Variants in DMD observed in about 807,000 individuals in gnomAD.
DMD encodes mutant dystrophin.
DMD carries 63 observed loss-of-function variants against 330.1 expected under a neutral mutation model. That is an observed-to-expected ratio of 0.19 (90% CI 0.16 to 0.24). The LOEUF is 0.24. Ranked by LOEUF, DMD falls within the 10% of genes least tolerant of loss-of-function variation. The pLI is 1.00. For missense variants in DMD, 3,344 were observed against 2,684.1 expected, an observed-to-expected ratio of 1.25 and a Z score of -5.43; for synonymous variants, 1,223 against 959.8, an observed-to-expected ratio of 1.27 and a Z score of -5.07.
intron 1 of DMD, among the ~76,000 whole-genome samples, chrX:33,322,931 T>A (rs1230969537): frequency 9.0e-6 from 1 of 111,263 alleles, no homozygotes; most frequent in Non-Finnish European, 1.9e-5. Flanking sequence ...TTATGTCGTT[T>A]TTATTCTCCC....
chrX:32,478,348 A>C (rs913299807), intron 21 of DMD, among the ~76,000 whole-genome samples: 1 of 111,806 alleles, frequency 8.9e-6, no homozygotes, highest in African/African-American at 3.2e-5. Context: ...TTCCATGCCA[A>C]CCAGATCCCA....
intron 34 of DMD, among the ~76,000 whole-genome samples, chrX:32,365,782 T>C (rs1213177332): frequency 8.9e-6 from 1 of 112,356 alleles, no homozygotes; most frequent in African/African-American, 3.2e-5. Context: ...TTTCCTAATA[T>C]GTTAATTAAC....
intron 2 of DMD, among the ~76,000 whole-genome samples, chrX:32,913,692 G>T (rs1246873514): frequency 1.8e-5 from 2 of 111,625 alleles, no homozygotes; most frequent in African/African-American, 6.5e-5. Context: ...AGCCCACCAG[G>T]TCAAGCACCC....
chrX:32,524,513 A>G (rs2046766457), intron 17 of DMD, among the ~76,000 whole-genome samples: 1 of 112,102 alleles, frequency 8.9e-6, no homozygotes, highest in African/African-American at 3.2e-5. Flanking sequence ...TGGTCTTTTT[A>G]AGAGGATAAT....
intron 1 of DMD, among the ~76,000 whole-genome samples, chrX:33,290,426 A>G (rs2053495841): frequency 9.0e-6 from 1 of 111,159 alleles, no homozygotes; most frequent in South Asian, 3.7e-4. Context: ...GCGGCTCCTT[A>G]TTTTTTTGGT....
intron 1 of DMD, among the ~76,000 whole-genome samples, chrX:33,043,255 A>G (rs991083209): frequency 6.3e-5 from 7 of 111,517 alleles, no homozygotes; most frequent in Non-Finnish European, 1.1e-4. Flanking sequence ...AGAATTCCCA[A>G]TTTCCCACTC....
At chrX:32,332,420 G>GTGTGTGTA (rs2148729688) in intron 41 of DMD, among the ~76,000 whole-genome samples, 1 of 108,073 alleles carries the variant, frequency 9.3e-6, no homozygotes, top group Admixed American at 1.0e-4. Flanking sequence ...AAAAGTGTGT[G>GTGTGTGTA]TGTGTGTGTG....
At chrX:31,970,882 A>G (rs2095393243) in intron 44 of DMD, among the ~76,000 whole-genome samples, 1 of 111,909 alleles carries the variant, frequency 8.9e-6, no homozygotes, top group Non-Finnish European at 1.9e-5. Flanking sequence ...TGCCTAAAAC[A>G]TAGATGTCAG....
intron 52 of DMD, among the ~76,000 whole-genome samples, chrX:31,689,861 A>C (rs1424836643): frequency 1.8e-5 from 2 of 111,720 alleles, no homozygotes; most frequent in African/African-American, 3.3e-5. Context: ...CAAAAACAAG[A>C]AATGGGGAAA....
chrX:32,227,324 C>T (rs773711024), intron 43 of DMD, among the ~76,000 whole-genome samples: 142 of 84,570 alleles, frequency 1.7e-3, no homozygotes, highest in Non-Finnish European at 2.8e-3. Context: ...TACACACACA[C>T]AAATTGCGTA....
chrX:32,977,389 G>C (rs1390548867), intron 2 of DMD, among the ~76,000 whole-genome samples: 1 of 111,686 alleles, frequency 9.0e-6, no homozygotes. Flanking sequence ...ATCTGTAAAT[G>C]TTCCTATGCC....
intron 37 of DMD, among the ~76,000 whole-genome samples, chrX:32,358,857 T>C (rs1409636039): frequency 8.9e-6 from 1 of 111,957 alleles, no homozygotes; most frequent in East Asian, 2.8e-4. Context: ...TTGATATTAA[T>C]TATTTTTAAC....
In DMD at chrX:32,675,649, C is replaced by T. The variant is rs765383619; in HGVS notation, c.960+22221G>A. The stretch of plus-strand genomic sequence containing the variant: ...CTCTATGTTGTGTCATTTTAGCATA[C>T]AGGTTAATAGAATCAATTCTGGAAT... On this transcript the variant is annotated intron_variant, in intron 9 of 78. Coordinates refer to ENST00000357033, the MANE Select transcript of DMD (RefSeq NM_004006.3). Among the ~76,000 whole-genome samples, 4 of 111,267 alleles carry T rather than the reference C, an allele frequency of 3.6e-5. No homozygotes were observed. In the South Asian group the frequency reaches 1.1e-3, roughly 31 times the overall value.
rs144861512 is a variant in DMD, at chrX:32,746,486, A to G, written c.650-47193T>C. The stretch of plus-strand genomic sequence containing the variant: ...CAGCGTCACCTGGGACCTTTTTAGA[A>G]ATACCGAATTTCAGGACTCTCCCAG... On this transcript the variant is annotated intron_variant, in intron 7 of 78. Coordinates refer to ENST00000357033, the MANE Select transcript of DMD (RefSeq NM_004006.3). Among the ~76,000 whole-genome samples the G allele has an allele frequency of 9.5e-3, 1,061 of 111,726 alleles. 8 individuals carry two copies. The highest frequency in any genetic ancestry group is 0.032 in the African/African-American group (983 of 30,722).
intron 51 of DMD, among the ~76,000 whole-genome samples, chrX:31,744,601 A>C (rs1368768128): frequency 4.5e-5 from 5 of 112,300 alleles, no homozygotes; most frequent in Admixed American, 9.5e-5. Context: ...CTATACAGCA[A>C]ATTGAATCAT....
intron 59 of DMD, among the ~76,000 whole-genome samples, chrX:31,459,730 G>C (rs1029733680): frequency 1.8e-5 from 2 of 112,003 alleles, no homozygotes; most frequent in African/African-American, 6.5e-5. Context: ...CTGGTTAAGA[G>C]AATTTGGCGT....
intron 2 of DMD, among the ~76,000 whole-genome samples, chrX:32,851,103 C>G (rs891548824): frequency 9.0e-6 from 1 of 111,539 alleles, no homozygotes; most frequent in African/African-American, 3.3e-5. Context: ...CTCCTTGGAT[C>G]ACATATAAAC....
At chrX:31,994,611 G>C (rs1010048953) in intron 44 of DMD, among the ~76,000 whole-genome samples, 1 of 111,610 alleles carries the variant, frequency 9.0e-6, no homozygotes, top group Non-Finnish European at 1.9e-5. Flanking sequence ...AAAGCATGGG[G>C]CTGCTCCCCG....
At chrX:32,166,017 G>C (rs1261034462) in intron 44 of DMD, among the ~76,000 whole-genome samples, 1 of 111,283 alleles carries the variant, frequency 9.0e-6, no homozygotes, top group Admixed American at 9.6e-5. Flanking sequence ...TGAACTGTGA[G>C]TCAATTAAAC....
Sources: gnomAD v4.1 joint callset for allele counts (sites outside exome capture counted in the v4.1 genomes callset) on GRCh38, gnomAD v4.1.1 for gene constraint, MANE v1.5 for transcripts, NCBI Gene and HGNC (gene_info 2026-07-23, HGNC 2026-07-21) for gene names.